EVI5: variants seen among roughly 807,000 people sequenced by gnomAD.
EVI5 encodes ecotropic viral integration site 5.
In EVI5, 73 loss-of-function variants were observed where a neutral mutation model predicts 112.0. That is an observed-to-expected ratio of 0.65 (90% CI 0.54 to 0.79). The LOEUF is 0.79. Among genes scored for constraint, EVI5 ranks in the 30% least tolerant of loss-of-function variants. The pLI, the probability that EVI5 is intolerant of heterozygous loss-of-function variation, is 0.00. For missense variants in EVI5, 900 were observed against 968.8 expected (o/e 0.93, Z 0.94); for synonymous variants, 305 against 319.9 (o/e 0.95, Z 0.50).
At chr1:92,760,732 CAA>C (rs77787837) in intron 1 of EVI5, among the ~76,000 whole-genome samples, 29 of 50,708 alleles carry the variant, frequency 5.7e-4, no homozygotes, top group Admixed American at 9.6e-4. Context: ...GACTCTGTCT[CAA>C]AAAAAAAAAA....
At chr1:92,663,351 G>A (rs764237654) in intron 12 of EVI5, 69 bp downstream of exon 12, 20 of 704,306 alleles carry the variant, frequency 2.8e-5, no homozygotes, top group East Asian at 5.9e-5. Flanking sequence ...TATGAATTTC[G>A]AGGTTTAGGA....
chr1:92,597,040 T>A (rs1025758573), intron 18 of EVI5, among the ~76,000 whole-genome samples: 3 of 152,168 alleles, frequency 2.0e-5, no homozygotes, highest in African/African-American at 7.2e-5. Flanking sequence ...ATCCTCAGTT[T>A]TGAATGAGTG....
intron 9 of EVI5, among the ~76,000 whole-genome samples, chr1:92,687,570 C>A (rs1457246559): frequency 6.6e-6 from 1 of 152,268 alleles, no homozygotes; most frequent in Non-Finnish European, 1.5e-5. Flanking sequence ...AGCTTCTGCA[C>A]AGCAGAAGAA....
At chr1:92,775,166 G>A (rs140485101) in intron 1 of EVI5, among the ~76,000 whole-genome samples, 287 of 152,310 alleles carry the variant, frequency 1.9e-3, no homozygotes, top group African/African-American at 6.5e-3. Context: ...AGTGGCTCAC[G>A]CCTGTAATCC....
At chr1:92,645,840 T>C (rs1253213041) in intron 13 of EVI5, among the ~76,000 whole-genome samples, 1 of 152,232 alleles carries the variant, frequency 6.6e-6, no homozygotes, top group African/African-American at 2.4e-5. Flanking sequence ...GTCATTGGTC[T>C]GATAATCTGT....
chr1:92,574,411 A>G (rs1291173844), intron 18 of EVI5, among the ~76,000 whole-genome samples: 1 of 152,226 alleles, frequency 6.6e-6, no homozygotes, highest in Admixed American at 6.5e-5. Flanking sequence ...TTGAACAATT[A>G]AATGTGATGG....
intron 1 of EVI5, among the ~76,000 whole-genome samples, chr1:92,780,287 T>C (rs1684696174): frequency 6.6e-6 from 1 of 152,220 alleles, no homozygotes; most frequent in African/African-American, 2.4e-5. Flanking sequence ...CTTTTCTTTA[T>C]AAATTACCCC....
At chr1:92,715,256 G>T (rs370203458) in intron 2 of EVI5, among the ~76,000 whole-genome samples, 2 of 151,750 alleles carry the variant, frequency 1.3e-5, no homozygotes, top group African/African-American at 4.8e-5. Context: ...TGATCCACCC[G>T]CCTCGGCCTC....
chr1:92,549,863 G>A (rs957650520), intron 19 of EVI5, among the ~76,000 whole-genome samples: 11 of 152,204 alleles, frequency 7.2e-5, no homozygotes, highest in African/African-American at 2.7e-4. Context: ...GTGCTGGAGA[G>A]GATGTGGAGA....
chr1:92,538,947 T>C (rs139829351), intron 19 of EVI5, among the ~76,000 whole-genome samples: 1,760 of 152,276 alleles, frequency 0.012, 71 homozygotes, highest in Admixed American at 0.079. Flanking sequence ...CTATGAAGAA[T>C]CTTATGCCAT....
chr1:92,644,932 T>G (rs1284630643), intron 13 of EVI5, among the ~76,000 whole-genome samples: 1 of 152,176 alleles, frequency 6.6e-6, no homozygotes, highest in Non-Finnish European at 1.5e-5. Context: ...GCCCAGAATA[T>G]GTTCTATCTT....
chr1:92,531,559 AG>A (rs1662868665), intron 19 of EVI5, among the ~76,000 whole-genome samples: 1 of 152,252 alleles, frequency 6.6e-6, no homozygotes, highest in South Asian at 2.1e-4. Flanking sequence ...TTACCCACAA[AG>A]GGAAGTCCAT....
rs1571840527 is a variant in EVI5 at position 92,604,369 on chromosome 1, T to A, written c.2070+938A>T. ...GATCCTGCCTCAAAAAAAAAAAAAATTAAAACATTTGTGTTAAAAACTAAG... is the reference window on the plus strand; with the variant it reads ...GATCCTGCCTCAAAAAAAAAAAAAAATAAAACATTTGTGTTAAAAACTAAG... On this transcript the variant is annotated intron_variant, in intron 18 of 19. Coordinates refer to ENST00000684568, the MANE Select transcript of EVI5 (RefSeq NM_001350197.2). Among the ~76,000 whole-genome samples the A allele has an allele frequency of 5.0e-5, 3 of 60,482 alleles. No homozygotes were observed. The South Asian group carries it at 2.6e-3, about 53-fold the overall frequency. The allele number at this position is 60,482 out of a possible 152,430, so 39.7% of individuals were successfully genotyped here.
At chr1:92,661,612 G>A (rs1390579721) in intron 13 of EVI5, among the ~76,000 whole-genome samples, 4 of 151,648 alleles carry the variant, frequency 2.6e-5, no homozygotes, top group African/African-American at 7.3e-5. Context: ...ACATACAAAA[G>A]TGGAGCAAAA....
At chr1:92,699,028 A>C (rs1670726422) in intron 5 of EVI5, among the ~76,000 whole-genome samples, 1 of 152,178 alleles carries the variant, frequency 6.6e-6, no homozygotes, top group Admixed American at 6.5e-5. Flanking sequence ...TGTGTTTCAA[A>C]AGAGAACATC....
In EVI5 at chr1:92,649,453, A is replaced by G. The variant is rs372783076; in HGVS notation, c.1393-13117T>C. On this transcript the variant is annotated intron_variant, in intron 13 of 19. Coordinates refer to ENST00000684568, the MANE Select transcript of EVI5 (RefSeq NM_001350197.2). ...TAAAACCACTGACAAATCCAAGGTC[A>G]TGAAGATTTATCTCTATGTATTCTT... 3.6e-4 allele frequency among the ~76,000 whole-genome samples: 55 copies of G among 152,360 alleles called. 1 individual carries two copies. Among genetic ancestry groups the G allele is most frequent in the African/African-American group, 1.2e-3 (51 of 41,588 alleles).
chr1:92,549,363 A>C (rs913329160), intron 19 of EVI5, among the ~76,000 whole-genome samples: 6 of 152,200 alleles, frequency 3.9e-5, no homozygotes, highest in African/African-American at 1.2e-4. Context: ...TGAATTAAAG[A>C]CTTAAATGTT....
chr1:92,737,608 A>G (rs1677649435), intron 1 of EVI5, among the ~76,000 whole-genome samples: 1 of 127,612 alleles, frequency 7.8e-6, no homozygotes, highest in African/African-American at 2.7e-5. Flanking sequence ...CCATATGAAC[A>G]TATGTACACA....
chr1:92,720,950 T>C (rs1271782853), intron 2 of EVI5, among the ~76,000 whole-genome samples: 1 of 152,166 alleles, frequency 6.6e-6, no homozygotes, highest in Non-Finnish European at 1.5e-5. Flanking sequence ...ATCAGAGAAA[T>C]GCAAATCAAA....
Sources: allele counts gnomAD v4.1 joint callset (sites outside exome capture counted in the v4.1 genomes callset), GRCh38; gene constraint gnomAD v4.1.1; transcripts MANE v1.5; gene names NCBI Gene and HGNC (gene_info 2026-07-23, HGNC 2026-07-21).